The following GLYATL2 variants were observed in gnomAD, a reference collection of about 807,000 sequenced individuals.
GLYATL2 encodes the protein glycine N-acyltransferase-like protein 2.
A neutral mutation model predicts 21.4 loss-of-function variants in GLYATL2; 25 were observed. That is an observed-to-expected ratio of 1.17 (90% CI 0.85 to 1.63). GLYATL2 has a LOEUF of 1.63. GLYATL2 is among the 40% of genes most tolerant of loss of function. The probability of loss-of-function intolerance (pLI) is 0.00; values close to 1 mark genes in which losing one functional copy is unlikely to be tolerated. For synonymous variants in GLYATL2, 114 were observed against 118.2 expected (o/e 0.96, Z 0.23); for missense variants, 361 against 343.3 (o/e 1.05, Z -0.41).
intron 1 of GLYATL2, among the ~76,000 whole-genome samples, chr11:58,898,321 G>A (rs766242637): frequency 6.6e-6 from 1 of 151,978 alleles, no homozygotes; most frequent in Non-Finnish European, 1.5e-5. Flanking sequence ...GGCTGTTTTA[G>A]TTCCAGATGG....
chr11:58,855,115 T>C (rs2134589837), intron 1 of GLYATL2, among the ~76,000 whole-genome samples: 1 of 152,344 alleles, frequency 6.6e-6, no homozygotes, highest in Non-Finnish European at 1.5e-5. Flanking sequence ...CCATGGATCA[T>C]GAATGTTTTA....
Position 58,834,589 on chromosome 11 carries a change from C to G in GLYATL2, c.725G>C (p.Gly242Ala). The change falls in exon 6 of 6, where the codon GGT (glycine) becomes GCT (alanine). Residue 242 changes from glycine to alanine, a missense_variant. Physicochemically the swap from Gly to Ala is moderately conservative, Grantham distance 60. Coordinates refer to ENST00000287275, the MANE Select transcript of GLYATL2 (RefSeq NM_145016.4). Reference protein sequence around the residue: ...YRHQGNMLQIGYHLEKYLSQK... With the variant: ...YRHQGNMLQIAYHLEKYLSQK... ...AGAAAGATACTTTTCAAGATGATAA[C>G]CAATTTGCAACATGTTGCCTTGGTG... 1 of 1,613,826 alleles carries G rather than the reference C, an allele frequency of 6.2e-7. No individual in the cohort carries two copies. Among genetic ancestry groups the G allele is most frequent in the Non-Finnish European group, 8.5e-7 (1 of 1,179,932 alleles).
chr11:58,860,332 CTTGT>C (rs34768315), intron 1 of GLYATL2, among the ~76,000 whole-genome samples: 134,458 of 151,618 alleles, frequency 0.89, 60,775 homozygotes, highest in Non-Finnish European at 0.98. Flanking sequence ...CTTTTACCAC[CTTGT>C]TTAAGTTTAC....
chr11:58,867,891 A>T (rs953230825), intron 1 of GLYATL2, among the ~76,000 whole-genome samples: 3 of 148,870 alleles, frequency 2.0e-5, no homozygotes, highest in Non-Finnish European at 4.5e-5. Context: ...GTCAGATGGC[A>T]TGTGTTTCTG....
Position 58,834,822 on chromosome 11 carries a change from T to G in GLYATL2, c.492A>C (p.Ser164=). 4 of 1,590,410 alleles carry G rather than the reference T, an allele frequency of 2.5e-6. No individual in the cohort carries two copies. The highest frequency in any genetic ancestry group is 3.4e-6 in the Non-Finnish European group (4 of 1,170,674). The change falls in exon 6 of 6, where the codon TCA becomes TCC. Residue 164 remains serine, a synonymous_variant. Transcript: ENST00000287275. The part of the protein sequence containing the change: ...VDDDNKEGNF[S]NMFLDASHAG... ...CATGTGAAGCATCTAAGAACATGTT[T>G]GAAAAGTTTCCTTCCCTGTGAAGAA...
intron 1 of GLYATL2, among the ~76,000 whole-genome samples, chr11:58,872,134 G>A (rs551467482): frequency 1.4e-4 from 22 of 152,242 alleles, no homozygotes; most frequent in African/African-American, 5.3e-4. Context: ...GGGGTTGTTT[G>A]TTTGTTTTCT....
intron 1 of GLYATL2, among the ~76,000 whole-genome samples, chr11:58,901,526 G>T (rs1854739817): frequency 6.6e-6 from 1 of 152,122 alleles, no homozygotes; most frequent in Non-Finnish European, 1.5e-5. Flanking sequence ...AAAGTAAAGA[G>T]AATCACAAAC....
At chr11:58,869,124 T>C (rs1008123742) in intron 1 of GLYATL2, among the ~76,000 whole-genome samples, 71 of 152,352 alleles carry the variant, frequency 4.7e-4, no homozygotes, top group African/African-American at 1.7e-3. Flanking sequence ...GCACCCCAAC[T>C]CATTGAGTTT....
At chr11:58,887,229 G>C (rs1239785957) in intron 1 of GLYATL2, among the ~76,000 whole-genome samples, 1 of 151,972 alleles carries the variant, frequency 6.6e-6, no homozygotes, top group Non-Finnish European at 1.5e-5. Flanking sequence ...AAATATAAAA[G>C]TTGAATGCCA....
intron 1 of GLYATL2, among the ~76,000 whole-genome samples, chr11:58,887,900 G>T (rs1260801730): frequency 6.6e-6 from 1 of 152,068 alleles, no homozygotes; most frequent in African/African-American, 2.4e-5. Context: ...TCCTAAGTAG[G>T]CACTGCCAGA....
At position 58,837,064 on chromosome 11, in the gene GLYATL2, T is replaced by G. The variant is rs182972421; in HGVS notation, c.427A>C (p.Thr143Pro). 2 of 1,613,826 alleles carry G rather than the reference T, an allele frequency of 1.2e-6. No individual in the cohort carries two copies. Among genetic ancestry groups the G allele is most frequent in the African/African-American group, 2.7e-5 (2 of 75,036 alleles). Residue 143 changes from threonine (T) to proline (P), a missense_variant, in exon 5 of 6, where the codon ACC becomes CCC. Coordinates refer to ENST00000287275, the MANE Select transcript of GLYATL2 (RefSeq NM_145016.4). ...FIPELPKKHKTSSNDKMELFE... is the reference protein window; with the variant it reads ...FIPELPKKHKPSSNDKMELFE... Reference sequence around the variant, plus strand: ...AACTCCATCTTGTCATTACTTGAGGTCTTGTGTTTCTTTGGTAATTCCGGT... The same window carrying G: ...AACTCCATCTTGTCATTACTTGAGGGCTTGTGTTTCTTTGGTAATTCCGGT...
intron 1 of GLYATL2, among the ~76,000 whole-genome samples, chr11:58,866,469 A>T (rs1279411814): frequency 6.7e-6 from 1 of 148,742 alleles, no homozygotes; most frequent in Admixed American, 6.9e-5. Context: ...AGGTGTGAAG[A>T]ATCTGCTCAA....
chr11:58,856,723 T>C (rs1853834670), intron 1 of GLYATL2, among the ~76,000 whole-genome samples: 1 of 152,166 alleles, frequency 6.6e-6, no homozygotes. Context: ...ATCAATTAAG[T>C]TTGCTGTCTT....
chr11:58,905,781 C>A (rs1007580016), upstream of GLYATL2: 29 of 383,188 alleles, frequency 7.6e-5, no homozygotes, highest in African/African-American at 5.8e-4. Flanking sequence ...TCGGCCTGGC[C>A]GTCTGACCCG....
upstream of GLYATL2, among the ~76,000 whole-genome samples, chr11:58,846,668 A>G (rs944820229): frequency 1.3e-4 from 20 of 152,192 alleles, no homozygotes; most frequent in African/African-American, 4.6e-4. Context: ...GGAATCACCA[A>G]TCCCAGCAGT....
intron 1 of GLYATL2, among the ~76,000 whole-genome samples, chr11:58,891,880 A>C (rs1481710650): frequency 2.0e-5 from 3 of 152,172 alleles, no homozygotes; most frequent in Admixed American, 1.3e-4. Flanking sequence ...CTGTATATAA[A>C]ATAAGGTAAA....
intron 1 of GLYATL2, among the ~76,000 whole-genome samples, chr11:58,899,616 C>CA (rs1319214496): frequency 6.6e-6 from 1 of 151,700 alleles, no homozygotes; most frequent in Non-Finnish European, 1.5e-5. Flanking sequence ...ATTTGACAGA[C>CA]AGCTGCAGAA....
Position 58,858,454 on chromosome 11 carries a change from G to A in GLYATL2, n.61-20086C>T, listed in dbSNP as rs76451544. On this transcript the variant is annotated intron_variant and non_coding_transcript_variant, in intron 1 of 4. Coordinates refer to the GLYATL2 transcript ENST00000533636. ...ACACCTTTCTTCTGTTAAAGATGAA[G>A]AATTGGGCTTTTTTAAAAAAAAAAA... 2.7e-3 allele frequency among the ~76,000 whole-genome samples: 267 copies of A among 97,706 alleles called. 8 individuals carry two copies. In the East Asian group the frequency reaches 0.057, roughly 21 times the overall value. 64.1% of individuals were successfully genotyped at this position (97,706 alleles called of 152,430 possible). A position where few individuals can be genotyped will look rare whatever the true frequency, so the allele number is the denominator to read the frequency against.
rs1358471383 is a variant in GLYATL2, at chr11:58,841,284, G to T, written c.-40-1632C>A. On this transcript the variant is annotated intron_variant, in intron 1 of 5. Transcript: ENST00000287275. ...AAGGAAGCACAGTGGTTAACAACAT[G>T]GGCTTTGGAATTAAACAAACCAAAA... Among the ~76,000 whole-genome samples the T allele has an allele frequency of 3.9e-5, 6 of 152,150 alleles. No individual in the cohort carries two copies. The East Asian group carries it at 9.6e-4, about 24-fold the overall frequency.
Sources: allele counts gnomAD v4.1 joint callset (sites outside exome capture counted in the v4.1 genomes callset), GRCh38; gene constraint gnomAD v4.1.1; transcripts MANE v1.5; gene names NCBI Gene and HGNC (gene_info 2026-07-23, HGNC 2026-07-21).